The following HFM1 variants were observed in gnomAD, a reference collection of about 807,000 sequenced individuals.
HFM1 encodes the protein helicase for meiosis 1.
A neutral mutation model predicts 192.1 loss-of-function variants in HFM1; 169 were observed. That is an observed-to-expected ratio of 0.88 (90% CI 0.78 to 1.00). HFM1 has a LOEUF of 1.00. Ranked by LOEUF, HFM1 falls within the 50% of genes least tolerant of loss-of-function variation. The probability of loss-of-function intolerance (pLI) is 0.00; values close to 1 mark genes in which losing one functional copy is unlikely to be tolerated. For missense variants in HFM1, 1,661 were observed against 1,668.0 expected (o/e 1.00, Z 0.07); for synonymous variants, 525 against 537.8 (o/e 0.98, Z 0.33).
At chr1:91,378,332 T>C in intron 10 of HFM1, 71 bp downstream of exon 10, 2 of 1,352,050 alleles carry the variant, frequency 1.5e-6, no homozygotes, top group Non-Finnish European at 1.0e-6. Context: ...TTGGTTGCAA[T>C]GTCTTTTTTC....
At position 91,391,949 on chromosome 1, in the gene HFM1, C is replaced by A. The variant is rs189191509; in HGVS notation, c.494+2144G>T. On this transcript the variant is annotated intron_variant, in intron 4 of 38. Transcript: ENST00000370425. The stretch of plus-strand genomic sequence containing the variant: ...AAAGTTGGCAAAGGATATGAACAGA[C>A]GATTCTCAAAAGAAGACATTTATGC... 6.7e-3 allele frequency among the ~76,000 whole-genome samples: 1,026 copies of A among 152,270 alleles called. 6 individuals carry two copies. The highest frequency in any genetic ancestry group is 0.012 in the Admixed American group (186 of 15,294).
At chr1:91,382,284 C>T (rs1340811302) in intron 6 of HFM1, among the ~76,000 whole-genome samples, 2 of 152,122 alleles carry the variant, frequency 1.3e-5, no homozygotes, top group African/African-American at 4.8e-5. Context: ...GCTTACCCTG[C>T]TCTACTTTTT....
intron 13 of HFM1, among the ~76,000 whole-genome samples, chr1:91,356,811 T>C (rs1415571516): frequency 2.0e-5 from 3 of 151,934 alleles, no homozygotes; most frequent in Non-Finnish European, 4.4e-5. Flanking sequence ...TAAGGGGCTA[T>C]TATGAACAAT....
chr1:91,282,986 A>G (rs1191007327), intron 30 of HFM1, among the ~76,000 whole-genome samples: 1 of 152,166 alleles, frequency 6.6e-6, no homozygotes, highest in Non-Finnish European at 1.5e-5. Context: ...ATTTCAAGGC[A>G]AAGTTGGCAA....
rs532549315 is a variant in HFM1 at position 91,289,361 on chromosome 1, G to A, written c.3392-12299C>T. 3.0e-4 allele frequency among the ~76,000 whole-genome samples: 45 copies of A among 150,772 alleles called. 1 individual carries two copies. The highest frequency in any genetic ancestry group is 1.0e-3 in the African/African-American group (41 of 41,016). ...GACGGGATGACGGCCAGGAAGAGAC[G>A]CTCCTCACTTCCCAGACTGGGCGGC... On this transcript the variant is annotated intron_variant, in intron 30 of 38. Transcript: ENST00000370425.
chr1:91,347,481 A>G lies in HFM1; in HGVS notation c.2207-5T>C. 1.9e-6 allele frequency: 3 copies of G among 1,582,876 alleles called. No homozygotes were observed. The highest frequency in any genetic ancestry group is 1.4e-5 in the African/African-American group (1 of 74,024). On this transcript the variant is annotated splice_region_variant and splice_polypyrimidine_tract_variant and intron_variant, in intron 18 of 38. Coordinates refer to ENST00000370425, the MANE Select transcript of HFM1 (RefSeq NM_001017975.6). ...TGTTCAATCCAGATGCAAAACCTGC[A>G]TGTCATGAAAAAGTAAAATAGAATT...
chr1:91,341,979 C>A (rs539910631), intron 20 of HFM1, among the ~76,000 whole-genome samples: 173 of 151,692 alleles, frequency 1.1e-3, no homozygotes, highest in African/African-American at 3.2e-3. Flanking sequence ...AGCCCTGGAC[C>A]AGACTGATTC....
intron 1 of HFM1, among the ~76,000 whole-genome samples, chr1:91,403,968 CCTT>C (rs1392780404): frequency 6.6e-6 from 1 of 152,102 alleles, no homozygotes; most frequent in African/African-American, 2.4e-5. Context: ...GAAACATACT[CCTT>C]ATTTTAAAAG....
upstream of HFM1, among the ~76,000 whole-genome samples, chr1:91,405,402 CTG>C (rs1664753569): frequency 6.6e-6 from 1 of 152,186 alleles, no homozygotes; most frequent in Non-Finnish European, 1.5e-5. Flanking sequence ...GAATTGTCCT[CTG>C]AAGATTTGGC....
At position 91,353,039 on chromosome 1, in the gene HFM1, T is replaced by G; in HGVS notation, c.1831+12A>C. The G allele has an allele frequency of 6.7e-7, 1 of 1,502,150 alleles. No homozygotes were observed. The highest frequency in any genetic ancestry group is 9.2e-7 in the Non-Finnish European group (1 of 1,085,650). The allele number at this position is 1,502,150 out of a possible 1,614,324, so 93.1% of individuals were successfully genotyped here. On this transcript the variant is annotated intron_variant, in intron 15 of 38. Coordinates refer to ENST00000370425, the MANE Select transcript of HFM1 (RefSeq NM_001017975.6). ...TATTTTATAGTATCCACGAGAAATATGTTTTACTTACAAAGAACTGGTAAA... is the reference window on the plus strand; with the variant it reads ...TATTTTATAGTATCCACGAGAAATAGGTTTTACTTACAAAGAACTGGTAAA...
chr1:91,389,159 T>C (rs146507403), intron 4 of HFM1, among the ~76,000 whole-genome samples: 2,531 of 132,914 alleles, frequency 0.019, 38 homozygotes, highest in Non-Finnish European at 0.031. Context: ...TTTTTTGAGA[T>C]TGAGTCTGGC....
At chr1:91,343,400 C>A in intron 20 of HFM1, 30 bp downstream of exon 20, 2 of 1,085,178 alleles carry the variant, frequency 1.8e-6, no homozygotes, top group African/African-American at 1.6e-5. Flanking sequence ...TAAACAATTG[C>A]TAAATTTACT....
chr1:91,272,259 T>G (rs1335043885), intron 34 of HFM1, among the ~76,000 whole-genome samples: 1 of 152,024 alleles, frequency 6.6e-6, no homozygotes, highest in African/African-American at 2.4e-5. Context: ...ATGAGCAACT[T>G]AGACAAAGTG....
At chr1:91,402,915 A>G (rs1030883370) in intron 1 of HFM1, among the ~76,000 whole-genome samples, 1 of 152,168 alleles carries the variant, frequency 6.6e-6, no homozygotes. Context: ...AGCGTTGCAT[A>G]AACTGACAAA....
At chr1:91,382,921 T>C (rs900048181) in intron 6 of HFM1, among the ~76,000 whole-genome samples, 1 of 152,198 alleles carries the variant, frequency 6.6e-6, no homozygotes, top group Non-Finnish European at 1.5e-5. Context: ...ACAAGACTAC[T>C]GTGGTAGGAC....
intron 19 of HFM1, among the ~76,000 whole-genome samples, chr1:91,345,516 A>C (rs964378760): frequency 6.6e-6 from 1 of 152,208 alleles, no homozygotes; most frequent in Non-Finnish European, 1.5e-5. Context: ...AAGAAAGTAT[A>C]ATCAAGTTTA....
intron 20 of HFM1, among the ~76,000 whole-genome samples, chr1:91,336,789 C>CCA (rs1654635665): frequency 6.6e-6 from 1 of 152,188 alleles, no homozygotes; most frequent in South Asian, 2.1e-4. Flanking sequence ...CACGTATGTT[C>CCA]ACTGCAGCAC....
chr1:91,342,183 C>A (rs1655452107), intron 20 of HFM1, among the ~76,000 whole-genome samples: 1 of 131,882 alleles, frequency 7.6e-6, no homozygotes, highest in South Asian at 2.5e-4. Flanking sequence ...AACATAGATG[C>A]AAAAATCCTC....
At chr1:91,313,544 C>A in intron 29 of HFM1, 49 bp from the exon 30 acceptor site, 1 of 1,308,498 alleles carries the variant, frequency 7.6e-7, no homozygotes, top group South Asian at 1.6e-5. Flanking sequence ...CATATAAATC[C>A]ACATATGAGA....
Sources: gnomAD v4.1 joint callset for allele counts (sites outside exome capture counted in the v4.1 genomes callset) on GRCh38, gnomAD v4.1.1 for gene constraint, MANE v1.5 for transcripts, NCBI Gene and HGNC (gene_info 2026-07-23, HGNC 2026-07-21) for gene names.